MGAT4C: variants seen among roughly 807,000 people sequenced by gnomAD.
MGAT4C encodes MGAT4 family member C.
A neutral mutation model predicts 40.1 loss-of-function variants in MGAT4C; 19 were observed. The observed-to-expected ratio is 0.47, with a 90% CI of 0.33 to 0.70. The LOEUF is 0.70. MGAT4C is among the 30% of genes least tolerant of loss of function. MGAT4C has a pLI of 0.02. For synonymous variants in MGAT4C, 181 were observed against 187.1 expected, an observed-to-expected ratio of 0.97 and a Z score of 0.27; for missense variants, 491 against 563.2, an observed-to-expected ratio of 0.87 and a Z score of 1.30.
chr12:86,386,657 AATG>A (rs1397703161), intron 3 of MGAT4C, among the ~76,000 whole-genome samples: 2 of 152,332 alleles, frequency 1.3e-5, no homozygotes, highest in East Asian at 1.9e-4. Context: ...TCGAAAGTAA[AATG>A]ATAAGAAATT....
chr12:86,395,765 A>G (rs1032593060), intron 3 of MGAT4C, among the ~76,000 whole-genome samples: 3 of 152,204 alleles, frequency 2.0e-5, no homozygotes, highest in Non-Finnish European at 2.9e-5. Flanking sequence ...GTGTCTTCTC[A>G]ATACAACTTC....
rs1958161046 is a variant in MGAT4C, at chr12:86,492,655, A to T, written c.-228-57390T>A. Among the ~76,000 whole-genome samples, 3 of 152,206 alleles carry T rather than the reference A, an allele frequency of 2.0e-5. No homozygotes were observed. The South Asian group carries it at 6.2e-4, about 31-fold the overall frequency. On this transcript the variant is annotated intron_variant, in intron 2 of 7. Coordinates refer to the MGAT4C transcript ENST00000548651. ...TTATACAAAAATTAATTCAAGATGG[A>T]TTAAAGACTTAAACGTTAGACCTAA...
chr12:86,045,356 C>A (rs1892289969), intron 2 of MGAT4C, among the ~76,000 whole-genome samples: 1 of 152,178 alleles, frequency 6.6e-6, no homozygotes, highest in Admixed American at 6.5e-5. Flanking sequence ...TCCTCTCTCT[C>A]CACAAGTACT....
intron 1 of MGAT4C, among the ~76,000 whole-genome samples, chr12:86,079,901 T>C (rs1375099362): frequency 5.9e-5 from 9 of 152,184 alleles, no homozygotes; most frequent in African/African-American, 2.2e-4. Flanking sequence ...TCATTCCAGG[T>C]CGTGCTCATT....
intron 2 of MGAT4C, among the ~76,000 whole-genome samples, chr12:86,438,813 C>T (rs1192070915): frequency 6.6e-6 from 1 of 151,534 alleles, no homozygotes; most frequent in Non-Finnish European, 1.5e-5. Context: ...TGAGGGCAAG[C>T]AGGAGTAGCT....
In MGAT4C at chr12:86,007,176, T is replaced by G. The variant is rs538221753; in HGVS notation, c.-6-17624A>C. ...TCAATGAATGGTTAAATATACAGATTAAAGGATAATGTCTTTAGAATTTTA... is the reference window on the plus strand; with the variant it reads ...TCAATGAATGGTTAAATATACAGATGAAAGGATAATGTCTTTAGAATTTTA... On this transcript the variant is annotated intron_variant, in intron 2 of 4. Coordinates refer to ENST00000611864, the MANE Select transcript of MGAT4C (RefSeq NM_001351288.2). Among the ~76,000 whole-genome samples the G allele has an allele frequency of 2.0e-5, 3 of 152,318 alleles. No homozygotes were observed. The East Asian group carries it at 5.8e-4, about 29-fold the overall frequency.
intron 1 of MGAT4C, among the ~76,000 whole-genome samples, chr12:86,776,380 T>C (rs1951748844): frequency 6.6e-6 from 1 of 152,084 alleles, no homozygotes; most frequent in Middle Eastern, 3.2e-3. Context: ...TTTTTCTTTT[T>C]GGCTTAAATT....
chr12:86,135,142 T>C (rs1001241288), intron 1 of MGAT4C, among the ~76,000 whole-genome samples: 1 of 152,104 alleles, frequency 6.6e-6, no homozygotes, highest in Admixed American at 6.5e-5. Flanking sequence ...AAAAGAATCA[T>C]AAATAGAGCA....
At chr12:85,983,986 C>G (rs1240598702) in intron 3 of MGAT4C, among the ~76,000 whole-genome samples, 1 of 152,170 alleles carries the variant, frequency 6.6e-6, no homozygotes, top group Non-Finnish European at 1.5e-5. Flanking sequence ...TGCCTTTATG[C>G]TACTTTTCAA....
intron 1 of MGAT4C, among the ~76,000 whole-genome samples, chr12:86,071,995 A>G (rs1868577007): frequency 6.6e-6 from 1 of 151,368 alleles, no homozygotes; most frequent in Non-Finnish European, 1.5e-5. Context: ...GAAGATGTTC[A>G]GACTATAAGT....
At chr12:86,452,073 G>A (rs371328418) in intron 2 of MGAT4C, among the ~76,000 whole-genome samples, 2 of 151,960 alleles carry the variant, frequency 1.3e-5, no homozygotes, top group African/African-American at 2.4e-5. Context: ...GTAGAAACTC[G>A]TGGGCAAATC....
At chr12:86,599,123 G>A (rs755804026) in intron 2 of MGAT4C, among the ~76,000 whole-genome samples, 2 of 152,014 alleles carry the variant, frequency 1.3e-5, no homozygotes, top group Non-Finnish European at 2.9e-5. Flanking sequence ...CTGTCTATAT[G>A]TCTAGTCTTG....
Position 86,433,224 on chromosome 12 carries a change from G to A in MGAT4C, c.-120+1933C>T, listed in dbSNP as rs555863388. 3.3e-5 allele frequency among the ~76,000 whole-genome samples: 5 copies of A among 151,624 alleles called. No individual in the cohort carries two copies. In the East Asian group the frequency reaches 7.8e-4, roughly 24 times the overall value. On this transcript the variant is annotated intron_variant, in intron 3 of 7. Transcript: ENST00000548651. Reference sequence around the variant, plus strand: ...ATGTTAACAATTGTAGCTCCTAAACGTGAAGATAACAATGAAAGGAAAAAA... The same window carrying A: ...ATGTTAACAATTGTAGCTCCTAAACATGAAGATAACAATGAAAGGAAAAAA...
chr12:86,164,257 TCTGTGTTTC>T (rs374076684), intron 1 of MGAT4C, among the ~76,000 whole-genome samples: 242 of 152,336 alleles, frequency 1.6e-3, no homozygotes, highest in African/African-American at 5.5e-3. Flanking sequence ...ATCTATGGGC[TCTGTGTTTC>T]CTTGATGATT....
intron 2 of MGAT4C, among the ~76,000 whole-genome samples, chr12:86,023,602 T>G (rs1889977183): frequency 7.7e-6 from 1 of 130,262 alleles, no homozygotes; most frequent in African/African-American, 2.8e-5. Flanking sequence ...ATATAAATAC[T>G]TACGTAATCA....
At chr12:86,042,715 A>C (rs1424104874) in intron 2 of MGAT4C, among the ~76,000 whole-genome samples, 2 of 151,812 alleles carry the variant, frequency 1.3e-5, no homozygotes, top group Non-Finnish European at 2.9e-5. Context: ...AAAAATACAA[A>C]AAATTAGCTG....
intron 2 of MGAT4C, among the ~76,000 whole-genome samples, chr12:86,700,035 A>AATAG (rs58993633): frequency 0.061 from 9,078 of 147,688 alleles, 516 homozygotes; most frequent in East Asian, 0.17. Flanking sequence ...AATTTAGATA[A>AATAG]ATAGATAGAT....
intron 4 of MGAT4C, among the ~76,000 whole-genome samples, chr12:85,982,211 G>T (rs1038994000): frequency 2.0e-5 from 3 of 152,018 alleles, no homozygotes; most frequent in Non-Finnish European, 4.4e-5. Flanking sequence ...ATGGAGTCTT[G>T]CTCTGTTGCC....
intron 1 of MGAT4C, among the ~76,000 whole-genome samples, chr12:86,229,464 C>A (rs906333291): frequency 1.3e-5 from 2 of 151,910 alleles, no homozygotes; most frequent in African/African-American, 2.4e-5. Context: ...TGCTAAAATT[C>A]AAATTGGAAA....
Sources: allele counts gnomAD v4.1 joint callset (sites outside exome capture counted in the v4.1 genomes callset), GRCh38; gene constraint gnomAD v4.1.1; transcripts MANE v1.5; gene names NCBI Gene and HGNC (gene_info 2026-07-23, HGNC 2026-07-21).